The following LPP variants were observed in gnomAD, a reference collection of about 807,000 sequenced individuals.
The protein encoded by LPP is lipoma-preferred partner.
In LPP, 38 loss-of-function variants were observed where a neutral mutation model predicts 60.4. The observed-to-expected ratio is 0.63, with a 90% confidence interval of 0.49 to 0.83. The LOEUF (loss-of-function observed/expected upper bound fraction) is 0.83, where lower values mean the gene tolerates loss of function less well. Ranked by LOEUF, LPP falls within the 40% of genes least tolerant of loss-of-function variation. The probability of loss-of-function intolerance (pLI) is 0.00; values close to 1 mark genes in which losing one functional copy is unlikely to be tolerated. For synonymous variants in LPP, 328 were observed against 290.8 expected, an observed-to-expected ratio of 1.13 and a Z score of -1.30; for missense variants, 902 against 783.6, an observed-to-expected ratio of 1.15 and a Z score of -1.80.
At chr3:188,831,135 G>T (rs1359992812) in intron 9 of LPP, among the ~76,000 whole-genome samples, 1 of 152,094 alleles carries the variant, frequency 6.6e-6, no homozygotes, top group Non-Finnish European at 1.5e-5. Flanking sequence ...AGGAGATGGC[G>T]CCTGGTAAGA....
chr3:188,852,244 G>A (rs779451296), intron 9 of LPP, among the ~76,000 whole-genome samples: 8 of 152,098 alleles, frequency 5.3e-5, no homozygotes, highest in Non-Finnish European at 8.8e-5. Flanking sequence ...TGAGGTTTCT[G>A]GTGTGAGGTC....
chr3:188,231,268 G>A (rs575714585), intron 2 of LPP, among the ~76,000 whole-genome samples: 34 of 152,248 alleles, frequency 2.2e-4, no homozygotes, highest in South Asian at 2.1e-3. Context: ...ACCATCTTAG[G>A]GGCTGCTTAC....
chr3:188,523,522 A>C (rs1819594826), intron 5 of LPP, among the ~76,000 whole-genome samples: 1 of 152,252 alleles, frequency 6.6e-6, no homozygotes, highest in South Asian at 2.1e-4. Context: ...CGCTTGCTTC[A>C]ACATATTCAC....
intron 6 of LPP, among the ~76,000 whole-genome samples, chr3:188,533,458 T>C (rs1822734056): frequency 6.6e-6 from 1 of 151,958 alleles, no homozygotes; most frequent in Non-Finnish European, 1.5e-5. Flanking sequence ...AAAAAGAAAA[T>C]AGGTGTGGAT....
intron 6 of LPP, among the ~76,000 whole-genome samples, chr3:188,601,194 A>G (rs557149745): frequency 8.5e-5 from 13 of 152,242 alleles, no homozygotes; most frequent in East Asian, 5.8e-4. Flanking sequence ...ATGACTGTGT[A>G]GTATTCTATT....
chr3:188,564,621 T>A (rs1246135858), intron 6 of LPP, among the ~76,000 whole-genome samples: 2 of 151,942 alleles, frequency 1.3e-5, no homozygotes, highest in African/African-American at 4.8e-5. Context: ...AAGATGTGCT[T>A]AAAGTTACCT....
chr3:188,278,743 T>C (rs1369292306), intron 2 of LPP, among the ~76,000 whole-genome samples: 1 of 152,068 alleles, frequency 6.6e-6, no homozygotes, highest in Non-Finnish European at 1.5e-5. Context: ...CTCGAGAACT[T>C]GGGAGCAATC....
chr3:188,212,436 C>T lies in LPP; in HGVS notation c.-189-12969C>T, dbSNP rs11718223. 2.2e-3 allele frequency among the ~76,000 whole-genome samples: 339 copies of T among 152,020 alleles called. 8 individuals are homozygous for T. In the South Asian group the frequency reaches 0.036, roughly 16 times the overall value. On this transcript the variant is annotated intron_variant, in intron 1 of 11. Transcript: ENST00000617246. ...TTCTTTAGCGGTTAATAATTTACTC[C>T]GAGTAAGGAATTCTTTGTTAAAGTG...
intron 7 of LPP, among the ~76,000 whole-genome samples, chr3:188,621,548 A>T (rs1397780820): frequency 6.6e-6 from 1 of 152,126 alleles, no homozygotes; most frequent in Non-Finnish European, 1.5e-5. Flanking sequence ...TATGTACCAC[A>T]TTTTTTTAAA....
intron 9 of LPP, among the ~76,000 whole-genome samples, chr3:188,777,327 T>C (rs1370766378): frequency 6.6e-6 from 1 of 151,928 alleles, no homozygotes; most frequent in Non-Finnish European, 1.5e-5. Context: ...CTAAGTTGCC[T>C]GCCTAAATCG....
At chr3:188,175,845 T>A (rs1418931507) in intron 1 of LPP, among the ~76,000 whole-genome samples, 1 of 152,070 alleles carries the variant, frequency 6.6e-6, no homozygotes, top group Non-Finnish European at 1.5e-5. Context: ...CATGTTAATT[T>A]TTTTTTTTTT....
chr3:188,412,516 T>G (rs1277225970), intron 4 of LPP, among the ~76,000 whole-genome samples: 4 of 152,206 alleles, frequency 2.6e-5, no homozygotes, highest in African/African-American at 9.6e-5. Context: ...TTTGATGATT[T>G]GTAAGTAGTA....
At chr3:188,367,145 C>G (rs1771448581) in intron 3 of LPP, among the ~76,000 whole-genome samples, 1 of 152,116 alleles carries the variant, frequency 6.6e-6, no homozygotes, top group Non-Finnish European at 1.5e-5. Context: ...ATCCACCCAC[C>G]TTGGCCTCCC....
intron 6 of LPP, among the ~76,000 whole-genome samples, chr3:188,567,640 T>C (rs1832512491): frequency 6.6e-6 from 1 of 151,956 alleles, no homozygotes; most frequent in Non-Finnish European, 1.5e-5. Flanking sequence ...TGTAAAATAT[T>C]TGTCTCCAAT....
chr3:188,385,871 A>G (rs1479951931), intron 3 of LPP, among the ~76,000 whole-genome samples: 1 of 152,156 alleles, frequency 6.6e-6, no homozygotes, highest in South Asian at 2.1e-4. Context: ...GATTAACCTG[A>G]GTGCGGTCTC....
At chr3:188,538,244 A>G (rs542945823) in intron 6 of LPP, among the ~76,000 whole-genome samples, 2 of 152,362 alleles carry the variant, frequency 1.3e-5, no homozygotes, top group African/African-American at 4.8e-5. Flanking sequence ...TTTGTGCTTC[A>G]AATGACACCA....
At chr3:188,250,360 G>A (rs1728695942) in intron 2 of LPP, among the ~76,000 whole-genome samples, 1 of 152,148 alleles carries the variant, frequency 6.6e-6, no homozygotes, top group African/African-American at 2.4e-5. Context: ...CAAAGATAAT[G>A]TGTCCCTCTC....
chr3:188,679,571 G>A (rs764522407), intron 7 of LPP, among the ~76,000 whole-genome samples: 15 of 150,482 alleles, frequency 1.0e-4, no homozygotes, highest in African/African-American at 2.0e-4. Context: ...GTGCGCGCGC[G>A]CATGTTTAGT....
At chr3:188,778,718 T>C (rs553069776) in intron 9 of LPP, among the ~76,000 whole-genome samples, 17 of 152,272 alleles carry the variant, frequency 1.1e-4, no homozygotes, top group Non-Finnish European at 1.8e-4. Flanking sequence ...CCACCCCATG[T>C]GCACATACAA....
Sources: allele counts gnomAD v4.1 joint callset (sites outside exome capture counted in the v4.1 genomes callset), GRCh38; gene constraint gnomAD v4.1.1; transcripts MANE v1.5; gene names NCBI Gene and HGNC (gene_info 2026-07-23, HGNC 2026-07-21).